The following TUBGCP3 variants were observed in gnomAD, a reference collection of about 807,000 sequenced individuals.
TUBGCP3 encodes gamma-tubulin complex component 3.
A neutral mutation model predicts 123.1 loss-of-function variants in TUBGCP3; 50 were observed. The observed-to-expected ratio is 0.41, with a 90% CI of 0.32 to 0.51. The LOEUF is 0.51. TUBGCP3 is among the 20% of genes least tolerant of loss of function. The pLI is 0.36. For synonymous variants in TUBGCP3, 405 were observed against 413.9 expected (o/e 0.98, Z 0.26); for missense variants, 882 against 1,127.0 (o/e 0.78, Z 3.11).
chr13:112,524,535 C>T lies in TUBGCP3; in HGVS notation c.1556-2026G>A, dbSNP rs1192434683. ...ACAACTGCTCTCCTGGTTCTTCTTC[C>T]TTCCACCTCTTCAGTGTAGAAGCAT... On this transcript the variant is annotated intron_variant, in intron 13 of 21. Transcript: ENST00000261965. This position sits in a 1 kb window ranked among gnomAD's most constrained non-coding sequence, Gnocchi z 4.4. 6.6e-6 allele frequency among the ~76,000 whole-genome samples: 1 copy of T among 152,242 alleles called. No homozygotes were observed. Among genetic ancestry groups the T allele is most frequent in the Non-Finnish European group, 1.5e-5 (1 of 68,046 alleles).
At chr13:112,568,078 T>C (rs555207892) in intron 2 of TUBGCP3, among the ~76,000 whole-genome samples, 1 of 151,866 alleles carries the variant, frequency 6.6e-6, no homozygotes, top group Admixed American at 6.5e-5. Context: ...AATGGACTTC[T>C]AGAAGGTGTT....
intron 1 of TUBGCP3, among the ~76,000 whole-genome samples, chr13:112,586,638 CT>C (rs1882628028): frequency 6.6e-6 from 1 of 152,188 alleles, no homozygotes; most frequent in African/African-American, 2.4e-5. Flanking sequence ...TCACCTGCCT[CT>C]TCCCTCTCTA....
chr13:112,515,106 T>C (rs1244732448), intron 17 of TUBGCP3, among the ~76,000 whole-genome samples: 2 of 152,222 alleles, frequency 1.3e-5, no homozygotes, highest in East Asian at 1.9e-4. Flanking sequence ...AAAAAATTTA[T>C]TAGTTATCTC....
chr13:112,523,071 G>A (rs1203461765), intron 13 of TUBGCP3, among the ~76,000 whole-genome samples: 1 of 152,190 alleles, frequency 6.6e-6, no homozygotes, highest in Non-Finnish European at 1.5e-5. Context: ...GCTTTCTATT[G>A]AGAAGAAATT....
At chr13:112,527,775 C>T (rs1396366568) in intron 11 of TUBGCP3, among the ~76,000 whole-genome samples, 1 of 152,240 alleles carries the variant, frequency 6.6e-6, no homozygotes, top group East Asian at 1.9e-4. Context: ...TCCTGGGCCA[C>T]ACGGAGCTCT....
chr13:112,513,683 T>C (rs1881826218), intron 17 of TUBGCP3, among the ~76,000 whole-genome samples: 1 of 152,196 alleles, frequency 6.6e-6, no homozygotes, highest in African/African-American at 2.4e-5. Flanking sequence ...AGCTAGTTGA[T>C]TTCTGCTCAT....
chr13:112,498,718 T>C (rs1880682313), intron 20 of TUBGCP3: 20 of 1,446,266 alleles, frequency 1.4e-5, no homozygotes, highest in Non-Finnish European at 1.7e-5. Flanking sequence ...AAACACAGAG[T>C]GATGCAGAGC....
At chr13:112,548,197 A>T in intron 8 of TUBGCP3, 21 bp from the exon 9 acceptor site, 1 of 1,585,252 alleles carries the variant, frequency 6.3e-7, no homozygotes, top group East Asian at 2.2e-5. Context: ...GAGAAATATA[A>T]TTAAAGCACG....
chr13:112,555,983 T>G, intron 6 of TUBGCP3, 69 bp downstream of exon 6: 1 of 1,535,184 alleles, frequency 6.5e-7, no homozygotes, highest in Admixed American at 1.8e-5. Context: ...TGGGCTGTAC[T>G]TTAAAATAAG....
At chr13:112,587,787 A>C in intron 1 of TUBGCP3, 118 bp downstream of exon 1, 1 of 893,192 alleles carries the variant, frequency 1.1e-6, no homozygotes, top group Middle Eastern at 2.8e-4. Context: ...CCCGTCCCCC[A>C]GCCCTCTGCC....
intron 7 of TUBGCP3, among the ~76,000 whole-genome samples, chr13:112,554,475 T>C (rs1305987809): frequency 6.6e-6 from 1 of 152,100 alleles, no homozygotes; most frequent in African/African-American, 2.4e-5. Flanking sequence ...AGAGCCACAG[T>C]GTGACCCACA....
At chr13:112,586,590 T>C (rs142829187) in intron 1 of TUBGCP3, among the ~76,000 whole-genome samples, 2 of 152,316 alleles carry the variant, frequency 1.3e-5, no homozygotes, top group East Asian at 1.9e-4. Flanking sequence ...CCTCCCTTAC[T>C]CCATTCAGGT....
At chr13:112,593,301 C>T in the TUBGCP3 span, among the ~76,000 whole-genome samples, 1 of 152,120 alleles carries the variant, frequency 6.6e-6, no homozygotes, top group African/African-American at 2.4e-5. Flanking sequence ...ACCTGTAATC[C>T]CAGCTGCTCA....
intron 20 of TUBGCP3, among the ~76,000 whole-genome samples, chr13:112,494,060 T>C (rs1221482854): frequency 1.3e-5 from 2 of 151,478 alleles, no homozygotes; most frequent in African/African-American, 4.9e-5. Flanking sequence ...CTGGTGTCCC[T>C]GAGACACTCT....
At chr13:112,582,220 T>C (rs1359533043) in intron 1 of TUBGCP3, among the ~76,000 whole-genome samples, 2 of 152,226 alleles carry the variant, frequency 1.3e-5, no homozygotes, top group Non-Finnish European at 2.9e-5. Context: ...CCCAAAATAC[T>C]GTTCAGTGTT....
In TUBGCP3 at chr13:112,570,118, G is replaced by A. The variant is rs138572294; in HGVS notation, c.77-859C>T. On this transcript the variant is annotated intron_variant, in intron 1 of 21. Transcript: ENST00000261965. ...TCCTCCACCCAATCCCACGCTGCCA[G>A]ACAACCACCGAGACCCGCCCAGCAA... 5.7e-4 allele frequency among the ~76,000 whole-genome samples: 86 copies of A among 151,004 alleles called. 1 individual carries two copies. The East Asian group carries it at 0.015, about 26-fold the overall frequency.
chr13:112,565,661 G>A (rs1318017855), intron 2 of TUBGCP3, among the ~76,000 whole-genome samples: 3 of 152,198 alleles, frequency 2.0e-5, no homozygotes, highest in East Asian at 1.9e-4. Context: ...CAGGCTGGGC[G>A]CGGTGGCTCA....
At chr13:112,599,847 T>C in the TUBGCP3 span, among the ~76,000 whole-genome samples, 1 of 151,962 alleles carries the variant, frequency 6.6e-6, no homozygotes, top group African/African-American at 2.4e-5. Context: ...CCATTTTAGA[T>C]TTTATACCAT....
At chr13:112,604,844 T>C in the TUBGCP3 span, 1 of 152,226 alleles carries the variant, frequency 6.6e-6, no homozygotes, top group Admixed American at 6.5e-5. Flanking sequence ...CATATTTTTC[T>C]ATGTCATCAA....
Sources: gnomAD v4.1 joint callset for allele counts (sites outside exome capture counted in the v4.1 genomes callset) on GRCh38, gnomAD v4.1.1 for gene constraint, Gnocchi (gnomAD v3.1) non-coding constraint, MANE v1.5 for transcripts, NCBI Gene and HGNC (gene_info 2026-07-23, HGNC 2026-07-21) for gene names.